The following NBEA variants were observed in gnomAD, a reference collection of about 807,000 sequenced individuals.
The protein encoded by NBEA is neurobeachin.
In NBEA, 44 loss-of-function variants were observed where a neutral mutation model predicts 343.4. That is an observed-to-expected ratio of 0.13 (90% CI 0.10 to 0.16). The LOEUF (loss-of-function observed/expected upper bound fraction) is 0.16. Among genes scored for constraint, NBEA ranks in the 10% least tolerant of loss-of-function variants. The pLI is 1.00. For synonymous variants in NBEA, 1,175 were observed against 1,238.7 expected, an observed-to-expected ratio of 0.95 and a Z score of 1.08; for missense variants, 2,555 against 3,631.3, an observed-to-expected ratio of 0.70 and a Z score of 7.62.
chr13:35,285,503 C>T (rs1160616135), intron 34 of NBEA, among the ~76,000 whole-genome samples: 1 of 152,072 alleles, frequency 6.6e-6, no homozygotes, highest in Non-Finnish European at 1.5e-5. Context: ...GATCACTTTT[C>T]CTTCTGCAGA....
chr13:35,040,709 A>G (rs1204254200), intron 1 of NBEA, among the ~76,000 whole-genome samples: 1 of 152,042 alleles, frequency 6.6e-6, no homozygotes. Flanking sequence ...ATTTGAAATC[A>G]CCCTTTTCCA....
chr13:34,942,797 C>G lies in NBEA; in HGVS notation c.-24C>G, dbSNP rs1358732220. 7.5e-7 allele frequency: 1 copy of G among 1,334,388 alleles called. No individual in the cohort carries two copies. Among genetic ancestry groups the G allele is most frequent in the Non-Finnish European group, 9.6e-7 (1 of 1,044,044 alleles). The allele number at this position is 1,334,388 out of a possible 1,614,324, so 82.7% of individuals were successfully genotyped here. A position where few individuals can be genotyped will look rare whatever the true frequency, so the allele number is the denominator to read the frequency against. On this transcript the variant is annotated 5_prime_UTR_variant, in exon 1 of 59. Coordinates refer to ENST00000379939, the MANE Select transcript of NBEA (RefSeq NM_001385012.1). ...CGGCGGCGGCAGCGCCGCTGCTCTTCCCTTCTCCTCAGGAGGGGGGCCAAT... is the reference window on the plus strand; with the variant it reads ...CGGCGGCGGCAGCGCCGCTGCTCTTGCCTTCTCCTCAGGAGGGGGGCCAAT...
rs561720083 is a variant in NBEA at position 35,309,490 on chromosome 13, T to C, written c.5839-38T>C. 15 of 1,257,498 alleles carry C rather than the reference T, an allele frequency of 1.2e-5. No individual in the cohort carries two copies. The South Asian group carries it at 2.0e-4, about 17-fold the overall frequency. The allele number at this position is 1,257,498 out of a possible 1,614,324, so 77.9% of individuals were successfully genotyped here. A position where few individuals can be genotyped will look rare whatever the true frequency, so the allele number is the denominator to read the frequency against. On this transcript the variant is annotated intron_variant, in intron 35 of 58. Transcript: ENST00000379939. ...AACCAGAAGTTACTTTCATTAAGTG[T>C]TCACTTTTCTCACGTTTGTTTTGGT...
intron 49 of NBEA, among the ~76,000 whole-genome samples, chr13:35,633,755 ATAAT>A (rs1007059451): frequency 2.6e-5 from 4 of 152,152 alleles, no homozygotes; most frequent in African/African-American, 7.2e-5. Flanking sequence ...ACCTAAAGGC[ATAAT>A]TAAATGAAGT....
intron 45 of NBEA, among the ~76,000 whole-genome samples, chr13:35,582,061 C>T (rs780938731): frequency 2.0e-5 from 3 of 151,878 alleles, no homozygotes; most frequent in Non-Finnish European, 2.9e-5. Flanking sequence ...CCCAGGCGGG[C>T]GAATCATGAG....
chr13:35,109,419 A>T lies in NBEA; in HGVS notation c.1810A>T (p.Ile604Phe). The T allele has an allele frequency of 6.2e-7, 1 of 1,610,986 alleles. No individual in the cohort carries two copies. Among genetic ancestry groups the T allele is most frequent in the Non-Finnish European group, 8.5e-7 (1 of 1,178,532 alleles). The change falls in exon 12 of 59, where the codon ATC becomes TTC. Residue 604 changes from isoleucine (I) to phenylalanine (F), a missense_variant. Ile to Phe is a conservative substitution (Grantham distance 21). Around this residue, in one of 21 missense-constraint regions of NBEA, gnomAD observed 360 missense variants for 519.1 expected, o/e 0.69. Transcript: ENST00000379939. ...LCDHILFNPA[I>F]WIHTPAKVQL... ...TGATCACATTTTATTTAACCCAGCC[A>T]TCTGGATACATACACCTGCAAAGGT...
chr13:35,536,268 G>T (rs1248381404), intron 41 of NBEA, among the ~76,000 whole-genome samples: 1 of 151,978 alleles, frequency 6.6e-6, no homozygotes, highest in Non-Finnish European at 1.5e-5. Context: ...CTACCTACCT[G>T]GCAGATACTT....
chr13:35,240,532 A>G (rs942207453), intron 34 of NBEA, among the ~76,000 whole-genome samples: 6 of 152,104 alleles, frequency 3.9e-5, no homozygotes, highest in African/African-American at 1.4e-4. Context: ...GAATTATACC[A>G]TGGGAACTCA....
At chr13:35,012,030 G>A (rs187932545) in intron 1 of NBEA, among the ~76,000 whole-genome samples, 8 of 152,202 alleles carry the variant, frequency 5.3e-5, no homozygotes, top group East Asian at 1.9e-4. Flanking sequence ...GTTTTCCTCC[G>A]TATTTAGTTC....
intron 18 of NBEA, among the ~76,000 whole-genome samples, chr13:35,146,806 G>C (rs1214280946): frequency 1.3e-5 from 2 of 152,098 alleles, no homozygotes; most frequent in African/African-American, 4.8e-5. Flanking sequence ...GGTCCTTTCA[G>C]CATATTCAGC....
intron 49 of NBEA, among the ~76,000 whole-genome samples, chr13:35,645,233 T>C (rs1192208728): frequency 6.6e-6 from 1 of 152,210 alleles, no homozygotes; most frequent in Admixed American, 6.5e-5. Context: ...TATTTCACTT[T>C]TACGTGCAAC....
intron 38 of NBEA, among the ~76,000 whole-genome samples, chr13:35,379,710 CTT>C (rs35060619): frequency 6.9e-6 from 1 of 145,298 alleles, no homozygotes. Flanking sequence ...GTCAGGATTA[CTT>C]TTTTTTTTTT....
intron 48 of NBEA, among the ~76,000 whole-genome samples, chr13:35,617,013 G>C (rs1240273339): frequency 2.0e-5 from 3 of 152,230 alleles, no homozygotes; most frequent in African/African-American, 7.2e-5. Context: ...TGAAGCCACT[G>C]TTCCTCAAAT....
intron 39 of NBEA, among the ~76,000 whole-genome samples, chr13:35,445,794 A>ATATATATATATATATATATG (rs1566144640): frequency 2.5e-5 from 2 of 80,026 alleles, no homozygotes; most frequent in Non-Finnish European, 4.8e-5. Flanking sequence ...ATATATATAT[A>ATATATATATATATATATATG]TATATATATA....
At chr13:35,024,842 T>C (rs1238697115) in intron 1 of NBEA, among the ~76,000 whole-genome samples, 1 of 152,172 alleles carries the variant, frequency 6.6e-6, no homozygotes, top group Non-Finnish European at 1.5e-5. Context: ...ACATCTATTA[T>C]TTGCTGATTT....
intron 34 of NBEA, chr13:35,250,941 C>T (rs2031877661): frequency 6.6e-6 from 1 of 152,232 alleles, no homozygotes. Flanking sequence ...GATAAATTTA[C>T]AGTAGTTATT....
intron 34 of NBEA, among the ~76,000 whole-genome samples, chr13:35,243,386 A>T (rs2030656589): frequency 6.6e-6 from 1 of 151,918 alleles, no homozygotes; most frequent in Admixed American, 6.6e-5. Context: ...TACAGAAAAC[A>T]ACAAATTAAA....
chr13:35,587,266 G>A (rs1035029359), intron 46 of NBEA, among the ~76,000 whole-genome samples: 8 of 152,182 alleles, frequency 5.3e-5, no homozygotes, highest in African/African-American at 1.9e-4. Context: ...CTGGGCTTAA[G>A]TAGCCCATGA....
chr13:35,348,642 T>G (rs2040010967), intron 36 of NBEA, among the ~76,000 whole-genome samples: 1 of 152,064 alleles, frequency 6.6e-6, no homozygotes, highest in South Asian at 2.1e-4. Context: ...TCTACATGGT[T>G]TATCTGAAAT....
Sources: gnomAD v4.1 joint callset for allele counts (sites outside exome capture counted in the v4.1 genomes callset) on GRCh38, gnomAD v4.1.1 for gene constraint, gnomAD v4.1.1 regional missense constraint, MANE v1.5 for transcripts, NCBI Gene and HGNC (gene_info 2026-07-23, HGNC 2026-07-21) for gene names.